Variants in FAM171A1 observed in about 807,000 individuals in gnomAD.
FAM171A1 encodes family with sequence similarity 171 member A1.
FAM171A1 carries 23 observed loss-of-function variants against 74.9 expected under a neutral mutation model. The observed-to-expected ratio is 0.31, with a 90% CI of 0.22 to 0.44. FAM171A1 has a LOEUF of 0.44. Ranked by LOEUF, FAM171A1 falls within the 20% of genes least tolerant of loss-of-function variation. The pLI, the probability that FAM171A1 is intolerant of heterozygous loss-of-function variation, is 1.00. For missense variants in FAM171A1, 1,162 were observed against 1,159.2 expected, an observed-to-expected ratio of 1.00 and a Z score of -0.03; for synonymous variants, 527 against 505.7, an observed-to-expected ratio of 1.04 and a Z score of -0.57.
intron 3 of FAM171A1, among the ~76,000 whole-genome samples, chr10:15,258,585 C>T (rs1834613524): frequency 6.6e-6 from 1 of 152,198 alleles, no homozygotes; most frequent in Non-Finnish European, 1.5e-5. Context: ...TGCCTTCTGT[C>T]CTTCCACCAA....
rs1400665196 is a variant in FAM171A1 at position 15,213,628 on chromosome 10, G to A, written c.1960C>T (p.Arg654Trp). The A allele has an allele frequency of 3.1e-6, 5 of 1,614,030 alleles. No individual in the cohort carries two copies. Among genetic ancestry groups the A allele is most frequent in the African/African-American group, 1.3e-5 (1 of 74,942 alleles). The change falls in exon 8 of 8, where the codon CGG becomes TGG. Residue 654 changes from arginine to tryptophan, a missense_variant. Physicochemically the swap from Arg to Trp is moderately radical, Grantham distance 101 (BLOSUM62 -3). Transcript: ENST00000378116. This position sits in a 1 kb window ranked among gnomAD's most constrained non-coding sequence, Gnocchi z 6.8. ...GATGCGTTCTGAGGGCTCCACTCCC[G>A]GGTGCCCGCATCCTGCAGGTGCTGC... ...SQQHLQDAGT[R>W]EWSPQNASMS...
chr10:15,254,614 A>C, intron 4 of FAM171A1, 107 bp downstream of exon 4: 1 of 1,234,712 alleles, frequency 8.1e-7, no homozygotes. Context: ...CTGCACCTTC[A>C]GTGCCTTTCT....
intron 1 of FAM171A1, among the ~76,000 whole-genome samples, chr10:15,302,779 G>A (rs1424398194): frequency 1.3e-5 from 2 of 152,222 alleles, no homozygotes; most frequent in Non-Finnish European, 2.9e-5. Flanking sequence ...ATTCAAAAAT[G>A]TGCATGTGTT....
chr10:15,361,117 G>A lies in FAM171A1; in HGVS notation c.97+9839C>T, dbSNP rs192783981. ...TAATAAAATATGATTAATTATAAAGGATAAATTATTAATAATTAAACAACT... is the reference window on the plus strand; with the variant it reads ...TAATAAAATATGATTAATTATAAAGAATAAATTATTAATAATTAAACAACT... On this transcript the variant is annotated intron_variant, in intron 1 of 7. Coordinates refer to ENST00000378116, the MANE Select transcript of FAM171A1 (RefSeq NM_001010924.2). Among the ~76,000 whole-genome samples the A allele has an allele frequency of 2.6e-4, 39 of 152,068 alleles. No individual in the cohort carries two copies. In the East Asian group the frequency reaches 7.1e-3, roughly 28 times the overall value.
At chr10:15,243,288 TG>T (rs1485266161) in intron 5 of FAM171A1, among the ~76,000 whole-genome samples, 1 of 152,184 alleles carries the variant, frequency 6.6e-6, no homozygotes, top group Admixed American at 6.5e-5. Flanking sequence ...AGGGCCCTTG[TG>T]ATGGCCGTGG....
chr10:15,250,774 C>CA (rs1263335898), intron 4 of FAM171A1, among the ~76,000 whole-genome samples: 2 of 151,654 alleles, frequency 1.3e-5, no homozygotes, highest in Non-Finnish European at 2.9e-5. Flanking sequence ...CAAAACAAAA[C>CA]AAAAAAAGAG....
Position 15,229,937 on chromosome 10 carries a change from C to T in FAM171A1, c.755-8877G>A, listed in dbSNP as rs564725372. ...CCATCACCAACATCATCATCATCAC[C>T]ATCACCATCATCACCATCAGGCGTT... On this transcript the variant is annotated intron_variant, in intron 5 of 7. Coordinates refer to ENST00000378116, the MANE Select transcript of FAM171A1 (RefSeq NM_001010924.2). 3.3e-5 allele frequency among the ~76,000 whole-genome samples: 5 copies of T among 151,636 alleles called. No individual in the cohort carries two copies. In the South Asian group the frequency reaches 8.4e-4, roughly 25 times the overall value.
At chr10:15,288,830 T>TTTTC (rs1554836630) in intron 1 of FAM171A1, among the ~76,000 whole-genome samples, 13,503 of 132,416 alleles carry the variant, frequency 0.1, 1,254 homozygotes, top group Non-Finnish European at 0.15. Flanking sequence ...TTTTTTTTTT[T>TTTTC]TTTTTTTTTG....
intron 1 of FAM171A1, among the ~76,000 whole-genome samples, chr10:15,347,446 C>T (rs563878237): frequency 3.3e-5 from 5 of 152,118 alleles, no homozygotes; most frequent in African/African-American, 4.8e-5. Context: ...CAAACAGCAT[C>T]GGTAAGACCT....
chr10:15,282,894 T>A, intron 2 of FAM171A1, among the ~76,000 whole-genome samples: 1 of 152,158 alleles, frequency 6.6e-6, no homozygotes, highest in African/African-American at 2.4e-5. Context: ...TCCTCCACCC[T>A]CTGCTGGAGA....
chr10:15,250,699 G>T (rs1328022859), intron 4 of FAM171A1, among the ~76,000 whole-genome samples: 2 of 152,198 alleles, frequency 1.3e-5, no homozygotes, highest in African/African-American at 4.8e-5. Context: ...AGTGAAGGCT[G>T]CAGTGAGCTA....
intron 4 of FAM171A1, among the ~76,000 whole-genome samples, chr10:15,252,692 T>C (rs891742585): frequency 1.3e-5 from 2 of 152,220 alleles, no homozygotes; most frequent in East Asian, 3.8e-4. Context: ...TAGTCATTTC[T>C]AGGTCAAGTC....
At chr10:15,274,752 C>A (rs1834871305) in intron 3 of FAM171A1, among the ~76,000 whole-genome samples, 1 of 152,144 alleles carries the variant, frequency 6.6e-6, no homozygotes, top group South Asian at 2.1e-4. Flanking sequence ...ACCGTCTGAT[C>A]TTTGACAAAC....
At chr10:15,248,216 T>C (rs955649028) in intron 5 of FAM171A1, among the ~76,000 whole-genome samples, 11 of 152,184 alleles carry the variant, frequency 7.2e-5, no homozygotes, top group Non-Finnish European at 1.2e-4. Flanking sequence ...GTGAGACTTA[T>C]GGGTAATTTT....
chr10:15,233,209 G>A (rs1290179249), intron 5 of FAM171A1, among the ~76,000 whole-genome samples: 1 of 152,060 alleles, frequency 6.6e-6, no homozygotes, highest in Non-Finnish European at 1.5e-5. Flanking sequence ...GCAGGAAAAT[G>A]GTGTGAACCC....
At chr10:15,314,895 G>A (rs1835404780) in intron 1 of FAM171A1, among the ~76,000 whole-genome samples, 1 of 152,210 alleles carries the variant, frequency 6.6e-6, no homozygotes, top group Non-Finnish European at 1.5e-5. Context: ...GGAGGAGGCT[G>A]GTTGGCGCTG....
At chr10:15,366,482 A>G (rs1187188365) in intron 1 of FAM171A1, among the ~76,000 whole-genome samples, 1 of 152,206 alleles carries the variant, frequency 6.6e-6, no homozygotes, top group Non-Finnish European at 1.5e-5. Context: ...GGAGTTGAAT[A>G]ATTTAGCTAA....
At chr10:15,324,007 G>A (rs911216273) in intron 1 of FAM171A1, among the ~76,000 whole-genome samples, 2 of 152,142 alleles carry the variant, frequency 1.3e-5, no homozygotes, top group Non-Finnish European at 2.9e-5. Flanking sequence ...AAACGATGCT[G>A]GTTAGCCCAT....
intron 1 of FAM171A1, among the ~76,000 whole-genome samples, chr10:15,312,979 G>A (rs968380923): frequency 1.3e-4 from 19 of 151,982 alleles, no homozygotes; most frequent in Non-Finnish European, 2.4e-4. Context: ...ACAGGGGTGA[G>A]CCACCGTGCC....
Sources: allele counts gnomAD v4.1 joint callset (sites outside exome capture counted in the v4.1 genomes callset), GRCh38; gene constraint gnomAD v4.1.1; non-coding constraint Gnocchi (gnomAD v3.1); transcripts MANE v1.5; gene names NCBI Gene and HGNC (gene_info 2026-07-23, HGNC 2026-07-21).